The following CCDC50 variants were observed in gnomAD, a reference collection of about 807,000 sequenced individuals.
CCDC50 encodes the protein coiled-coil domain containing 50.
CCDC50 carries 54 observed loss-of-function variants against 70.2 expected under a neutral mutation model. The observed-to-expected ratio is 0.77, with a 90% CI of 0.62 to 0.96. The LOEUF (loss-of-function observed/expected upper bound fraction) is 0.96, where lower values mean the gene tolerates loss of function less well. Among genes scored for constraint, CCDC50 ranks in the 50% least tolerant of loss-of-function variants. The pLI is 0.00. For missense variants in CCDC50, 558 were observed against 578.7 expected, an observed-to-expected ratio of 0.96 and a Z score of 0.37; for synonymous variants, 216 against 198.8, an observed-to-expected ratio of 1.09 and a Z score of -0.73.
intron 2 of CCDC50, among the ~76,000 whole-genome samples, chr3:191,357,564 TGTG>T: frequency 6.6e-6 from 1 of 152,218 alleles, no homozygotes; most frequent in Non-Finnish European, 1.5e-5. Context: ...TTTTTTTCCA[TGTG>T]GTGATGAAAA....
At chr3:191,380,385 T>A (rs983112977) in intron 7 of CCDC50, 111 bp downstream of exon 7, 29 of 774,620 alleles carry the variant, frequency 3.7e-5, no homozygotes, top group Non-Finnish European at 6.1e-5. Context: ...GAAACCTTTT[T>A]TTATGAGTGG....
intron 1 of CCDC50, among the ~76,000 whole-genome samples, chr3:191,356,439 T>A (rs969199938): frequency 9.8e-5 from 15 of 152,322 alleles, no homozygotes; most frequent in African/African-American, 3.6e-4. Context: ...TCTTTTGGTT[T>A]GTAGATTATT....
chr3:191,386,368 G>A (rs527960909), intron 10 of CCDC50, among the ~76,000 whole-genome samples: 2 of 152,022 alleles, frequency 1.3e-5, no homozygotes, highest in South Asian at 4.2e-4. Context: ...GGGATTACAG[G>A]CACCCACCAC....
At chr3:191,376,400 T>G (rs1426429797) in intron 6 of CCDC50, among the ~76,000 whole-genome samples, 1 of 152,142 alleles carries the variant, frequency 6.6e-6, no homozygotes, top group Non-Finnish European at 1.5e-5. Context: ...CTGGCACCCC[T>G]GAGGCTTAAC....
At chr3:191,383,750 T>C (rs1373436197) in intron 10 of CCDC50, among the ~76,000 whole-genome samples, 2 of 152,162 alleles carry the variant, frequency 1.3e-5, no homozygotes, top group South Asian at 2.1e-4. Flanking sequence ...GAAAATTACA[T>C]TGGGTTTGTA....
At chr3:191,363,849 A>G (rs1352885816) in intron 4 of CCDC50, among the ~76,000 whole-genome samples, 1 of 152,212 alleles carries the variant, frequency 6.6e-6, no homozygotes, top group Non-Finnish European at 1.5e-5. Flanking sequence ...CAAGGTAGAA[A>G]AATGTGACTC....
chr3:191,332,263 A>C (rs1234387175), intron 1 of CCDC50, among the ~76,000 whole-genome samples: 2 of 152,222 alleles, frequency 1.3e-5, no homozygotes, highest in African/African-American at 4.8e-5. Context: ...AGGAAGTCAA[A>C]AATATTCATC....
intron 4 of CCDC50, among the ~76,000 whole-genome samples, chr3:191,364,021 C>T (rs116168480): frequency 0.011 from 1,653 of 151,516 alleles, 29 homozygotes; most frequent in African/African-American, 0.038. Flanking sequence ...CTAACTCTTC[C>T]GGCCAATTTT....
Position 191,329,506 on chromosome 3 carries a change from T to C in CCDC50, c.-169T>C, listed in dbSNP as rs1717867636. The stretch of plus-strand genomic sequence containing the variant: ...TGCCTCGGGGACCGTCTCCCGCTGC[T>C]TTGGTCACCAGCCCCTGCCCGCCCG... On this transcript the variant is annotated 5_prime_UTR_variant, in exon 1 of 12. Transcript: ENST00000392455. 2 of 576,032 alleles carry C rather than the reference T, an allele frequency of 3.5e-6. No homozygotes were observed. Among genetic ancestry groups the C allele is most frequent in the Non-Finnish European group, 5.8e-6 (2 of 345,790 alleles). 35.7% of individuals were successfully genotyped at this position (576,032 alleles called of 1,614,324 possible). A position where few individuals can be genotyped will look rare whatever the true frequency, so the allele number is the denominator to read the frequency against.
chr3:191,378,572 T>C (rs1713196640), intron 6 of CCDC50, among the ~76,000 whole-genome samples: 1 of 152,160 alleles, frequency 6.6e-6, no homozygotes, highest in African/African-American at 2.4e-5. Flanking sequence ...GAACATGGTT[T>C]ATATAGCAGA....
intron 6 of CCDC50, among the ~76,000 whole-genome samples, chr3:191,376,119 C>A (rs1427834512): frequency 6.6e-6 from 1 of 152,162 alleles, no homozygotes; most frequent in African/African-American, 2.4e-5. Flanking sequence ...AGTTCATTTT[C>A]ATCAGAATCA....
intron 10 of CCDC50, among the ~76,000 whole-genome samples, chr3:191,385,688 GTTTA>G (rs772541386): frequency 9.4e-6 from 1 of 106,094 alleles, no homozygotes; most frequent in Non-Finnish European, 2.4e-5. Flanking sequence ...TGTTATATTT[GTTTA>G]TTTGTTTTGG....
At chr3:191,334,013 T>A (rs1365075809) in intron 1 of CCDC50, among the ~76,000 whole-genome samples, 2 of 152,170 alleles carry the variant, frequency 1.3e-5, no homozygotes, top group Non-Finnish European at 2.9e-5. Context: ...TTAGTAAAAT[T>A]TTCTAAATGC....
At chr3:191,357,957 CA>C (rs1261497431) in intron 2 of CCDC50, 40 bp from the exon 3 acceptor site, 1 of 1,612,992 alleles carries the variant, frequency 6.2e-7, no homozygotes, top group Non-Finnish European at 8.5e-7. Flanking sequence ...ACTAACAAAC[CA>C]AGACATTATT....
intron 9 of CCDC50, among the ~76,000 whole-genome samples, chr3:191,382,134 C>G (rs1389752751): frequency 2.6e-5 from 4 of 152,030 alleles, no homozygotes; most frequent in African/African-American, 7.2e-5. Context: ...GCTACCTTAA[C>G]TAGGAAAGGG....
In CCDC50 at chr3:191,375,203, A is replaced by G. The variant is rs1560168043; in HGVS notation, c.590A>G (p.His197Arg). The change falls in exon 6 of 12, where the codon CAT becomes CGT. Residue 197 changes from histidine to arginine, a missense_variant. Transcript: ENST00000392455. The stretch of plus-strand genomic sequence containing the variant: ...GAGAACTTGGAAGAGCCAGAACAAC[A>G]TTGTTCATCGAAGAGATCCCTGTCA... ...PLENLEEPEQ[H>R]CSSKRSLSSS... 1.9e-6 allele frequency: 3 copies of G among 1,613,764 alleles called. No homozygotes were observed. The highest frequency in any genetic ancestry group is 1.7e-4 in the Middle Eastern group (1 of 6,054).
intron 1 of CCDC50, among the ~76,000 whole-genome samples, chr3:191,355,164 A>T (rs1157605771): frequency 3.3e-5 from 5 of 152,196 alleles, no homozygotes; most frequent in Non-Finnish European, 2.9e-5. Context: ...CATTAAGAGT[A>T]ATCTTAAATT....
At chr3:191,330,411 G>T (rs1290289722) in intron 1 of CCDC50, 2 of 152,200 alleles carry the variant, frequency 1.3e-5, no homozygotes, top group African/African-American at 4.8e-5. Context: ...GATTAGTACT[G>T]ACCTGGCTTT....
rs1713932039 is a variant in CCDC50, at chr3:191,398,455, GTT to G, written c.*6698_*6699del. On this transcript the variant is annotated 3_prime_UTR_variant, in exon 12 of 12. Coordinates refer to ENST00000392455, the MANE Select transcript of CCDC50 (RefSeq NM_178335.3). Reference sequence around the variant, plus strand: ...TCAGTGGTCTCTGTCTCATGTTTTTGTTTTGTTTCTTTACAGCATTCAAGGAC... The same window carrying G: ...TCAGTGGTCTCTGTCTCATGTTTTTGTTGTTTCTTTACAGCATTCAAGGAC... 1 of 151,996 alleles carries G rather than the reference GTT, an allele frequency of 6.6e-6. No homozygotes were observed. Among genetic ancestry groups the G allele is most frequent in the African/African-American group, 2.4e-5 (1 of 41,390 alleles). The allele number at this position is 151,996 out of a possible 1,614,324, so 9.4% of individuals were successfully genotyped here.
Sources: allele counts gnomAD v4.1 joint callset (sites outside exome capture counted in the v4.1 genomes callset), GRCh38; gene constraint gnomAD v4.1.1; transcripts MANE v1.5; gene names NCBI Gene and HGNC (gene_info 2026-07-23, HGNC 2026-07-21).